Variants in RREB1 observed in about 807,000 individuals in gnomAD.
RREB1 encodes the protein ras responsive element binding protein 1, also known as ras-responsive element-binding protein 1.
A neutral mutation model predicts 117.8 loss-of-function variants in RREB1; 27 were observed. That is an observed-to-expected ratio of 0.23 (90% confidence interval 0.17 to 0.32). The LOEUF is 0.32. Ranked by LOEUF, RREB1 falls within the 10% of genes least tolerant of loss-of-function variation. The pLI is 1.00. For synonymous variants in RREB1, 1,298 were observed against 1,026.7 expected, an observed-to-expected ratio of 1.26 and a Z score of -5.05; for missense variants, 2,577 against 2,378.2, an observed-to-expected ratio of 1.08 and a Z score of -1.74.
chr6:7,230,789 A>G lies in RREB1; in HGVS notation c.2690A>G (p.Asn897Ser), dbSNP rs139625876. The G allele has an allele frequency of 4.1e-4, 661 of 1,613,782 alleles. 11 individuals carry two copies. In the East Asian group the frequency reaches 4.5e-3, roughly 11 times the overall value. The change falls in exon 10 of 13, where the codon AAT becomes AGT. Residue 897 changes from asparagine to serine, a missense_variant. Coordinates refer to ENST00000379938, the MANE Select transcript of RREB1 (RefSeq NM_001003699.4). The stretch of plus-strand genomic sequence containing the variant: ...GCCAGTAGCTTTGCGGTGGACTTCA[A>G]TGAGCCCCTGGACTTCTCGCAGAAG... ...EPASSFAVDFNEPLDFSQKGL... is the reference protein window; with the variant it reads ...EPASSFAVDFSEPLDFSQKGL...
At chr6:7,122,936 A>G (rs1221267659) in intron 1 of RREB1, among the ~76,000 whole-genome samples, 2 of 152,290 alleles carry the variant, frequency 1.3e-5, no homozygotes, top group Non-Finnish European at 2.9e-5. Context: ...ACCCATCCAC[A>G]GCTACTTATT....
chr6:7,108,995 C>T (rs1311187776), intron 1 of RREB1, among the ~76,000 whole-genome samples: 23 of 145,578 alleles, frequency 1.6e-4, no homozygotes, highest in Admixed American at 6.1e-4. Flanking sequence ...CGTGGGAGCC[C>T]TCGGTGTGGA....
At chr6:7,125,004 G>C (rs570186709) in intron 1 of RREB1, among the ~76,000 whole-genome samples, 152 of 152,308 alleles carry the variant, frequency 1.0e-3, no homozygotes, top group Non-Finnish European at 1.6e-3. Flanking sequence ...TCCTTGTGAG[G>C]CACATCGAGG....
At position 7,173,459 on chromosome 6, in the gene RREB1, C is replaced by A. The variant is rs1170367888; in HGVS notation, c.-284-3196C>A. ...AGTGAGCCAAGATCGCGTCACTGCA[C>A]TCCAGCCTGGGCGACAGAATGAGAC... On this transcript the variant is annotated intron_variant, in intron 1 of 12. Transcript: ENST00000379938. Among the ~76,000 whole-genome samples, 3 of 151,578 alleles carry A rather than the reference C, an allele frequency of 2.0e-5. No homozygotes were observed. The South Asian group carries it at 6.2e-4, about 32-fold the overall frequency.
chr6:7,227,223 CAGAG>C (rs1020864718), intron 9 of RREB1, among the ~76,000 whole-genome samples: 3 of 151,886 alleles, frequency 2.0e-5, no homozygotes, highest in Non-Finnish European at 2.9e-5. Context: ...GCGTGGGTGG[CAGAG>C]AGAGATTGCC....
At chr6:7,192,180 T>C (rs985971672) in intron 6 of RREB1, among the ~76,000 whole-genome samples, 1 of 149,940 alleles carries the variant, frequency 6.7e-6, no homozygotes, top group African/African-American at 2.5e-5. Flanking sequence ...CTTTATTCTT[T>C]TGTTGTTGTT....
intron 2 of RREB1, among the ~76,000 whole-genome samples, chr6:7,180,250 T>G (rs1022895295): frequency 6.6e-6 from 1 of 152,214 alleles, no homozygotes; most frequent in Non-Finnish European, 1.5e-5. Flanking sequence ...TTTTGCCCTT[T>G]TGGTAAGAAT....
intron 10 of RREB1, among the ~76,000 whole-genome samples, chr6:7,239,481 C>G (rs1768553977): frequency 6.6e-6 from 1 of 152,160 alleles, no homozygotes; most frequent in Admixed American, 6.5e-5. Flanking sequence ...AAACCCAGGA[C>G]AAGTTGTAGA....
chr6:7,152,936 G>T (rs1763186373), intron 1 of RREB1, among the ~76,000 whole-genome samples: 1 of 152,094 alleles, frequency 6.6e-6, no homozygotes, highest in Non-Finnish European at 1.5e-5. Flanking sequence ...GACCTGAAAG[G>T]TCCTATGCGA....
chr6:7,118,194 C>A (rs189297175), intron 1 of RREB1, among the ~76,000 whole-genome samples: 680 of 152,244 alleles, frequency 4.5e-3, no homozygotes, highest in Non-Finnish European at 6.8e-3. Flanking sequence ...AATCTCAGCT[C>A]ACTGCAACCT....
chr6:7,237,892 C>G (rs150792163), intron 10 of RREB1, among the ~76,000 whole-genome samples: 1 of 152,318 alleles, frequency 6.6e-6, no homozygotes, highest in African/African-American at 2.4e-5. Context: ...ACTTTCACAT[C>G]ATGGATTGTT....
At chr6:7,238,595 C>CT (rs796560101) in intron 10 of RREB1, among the ~76,000 whole-genome samples, 33 of 147,232 alleles carry the variant, frequency 2.2e-4, no homozygotes, top group South Asian at 1.5e-3. Flanking sequence ...ACTAGTCACA[C>CT]TTTTTTTTTT....
intron 1 of RREB1, chr6:7,140,889 GC>G (rs1679255129): frequency 6.6e-6 from 1 of 152,192 alleles, no homozygotes; most frequent in Non-Finnish European, 1.5e-5. Flanking sequence ...CCCGTGCCCC[GC>G]CCCGGACGGC....
At chr6:7,219,537 C>T (rs530428018) in intron 8 of RREB1, among the ~76,000 whole-genome samples, 59 of 152,288 alleles carry the variant, frequency 3.9e-4, no homozygotes, top group African/African-American at 1.3e-3. Flanking sequence ...TTCAGGACAG[C>T]GTGGAGTTCA....
rs1444177799 is a variant in RREB1 at position 7,229,846 on chromosome 6, C to A, written c.1747C>A (p.Arg583=). The A allele has an allele frequency of 1.2e-6, 2 of 1,610,148 alleles. No homozygotes were observed. The highest frequency in any genetic ancestry group is 1.1e-5 in the South Asian group (1 of 90,894). The part of the protein sequence containing the change: ...AATRLSLQQP[R]AELPGQPEMK... ...CACGCGGCTCTCCCTGCAGCAGCCG[C>A]GGGCGGAGCTGCCGGGCCAGCCTGA... is the stretch of plus-strand genomic sequence containing the variant. Residue 583 remains arginine, a synonymous_variant, in exon 10 of 13, where the codon CGG becomes AGG. Transcript: ENST00000379938. This position sits in a 1 kb window ranked among gnomAD's most constrained non-coding sequence, Gnocchi z 4.5.
chr6:7,211,212 C>T (rs1040477361), intron 7 of RREB1, among the ~76,000 whole-genome samples: 1 of 151,760 alleles, frequency 6.6e-6, no homozygotes. Flanking sequence ...CTAGCTAAAG[C>T]GCAAGCTTCA....
chr6:7,194,591 G>T (rs1213434923), intron 6 of RREB1, among the ~76,000 whole-genome samples: 2 of 152,176 alleles, frequency 1.3e-5, no homozygotes, highest in African/African-American at 4.8e-5. Flanking sequence ...TTCTGGTACT[G>T]ATTTTCCTTA....
intron 9 of RREB1, among the ~76,000 whole-genome samples, chr6:7,227,677 C>T (rs1338750265): frequency 1.3e-5 from 2 of 152,078 alleles, no homozygotes; most frequent in Non-Finnish European, 2.9e-5. Context: ...AATATTCCAG[C>T]GTTGTGGTTT....
chr6:7,230,541 G>A lies in RREB1; in HGVS notation c.2442G>A (p.Leu814=), dbSNP rs767744247. 1.3e-6 allele frequency: 2 copies of A among 1,597,298 alleles called. No individual in the cohort carries two copies. Among genetic ancestry groups the A allele is most frequent in the African/African-American group, 2.7e-5 (2 of 74,806 alleles). ...TCCACCACATCCTCAAGCAGCACCT[G>A]CACGTGCCCGAGCAGGACATCGAGA... is the stretch of plus-strand genomic sequence containing the variant. ...NCIHHILKQH[L]HVPEQDIESY... is the part of the protein sequence containing the mutation. Residue 814 remains leucine, a synonymous_variant, in exon 10 of 13, where the codon CTG becomes CTA. Coordinates refer to ENST00000379938, the MANE Select transcript of RREB1 (RefSeq NM_001003699.4).
Sources: gnomAD v4.1 joint callset for allele counts (sites outside exome capture counted in the v4.1 genomes callset) on GRCh38, gnomAD v4.1.1 for gene constraint, Gnocchi (gnomAD v3.1) non-coding constraint, MANE v1.5 for transcripts, NCBI Gene and HGNC (gene_info 2026-07-23, HGNC 2026-07-21) for gene names.